The following CASTOR2 variants were observed in gnomAD, a reference collection of about 807,000 sequenced individuals.
CASTOR2 encodes cytosolic arginine sensor for mTORC1 subunit 2.
In CASTOR2, 8 loss-of-function variants were observed where a neutral mutation model predicts 31.2. The ratio of observed to expected loss-of-function variants is 0.26; its 90% CI spans 0.15 to 0.46. The LOEUF is 0.46. Ranked by LOEUF, CASTOR2 falls within the 20% of genes least tolerant of loss-of-function variation. The pLI is 0.99. For missense variants in CASTOR2, 216 were observed against 382.1 expected (o/e 0.57, Z 3.62); for synonymous variants, 162 against 158.7 (o/e 1.02, Z -0.16).
At chr7:74,988,729 C>A (rs587726832) in intron 1 of CASTOR2, among the ~76,000 whole-genome samples, 1 of 152,104 alleles carries the variant, frequency 6.6e-6, no homozygotes, top group Non-Finnish European at 1.5e-5. Flanking sequence ...CCCCCCACAG[C>A]GACCATGACA....
At chr7:75,019,263 G>A (rs1236843064) in intron 5 of CASTOR2, among the ~76,000 whole-genome samples, 168 bp downstream of exon 5, 8 of 152,136 alleles carry the variant, frequency 5.3e-5, no homozygotes, top group African/African-American at 1.9e-4. Context: ...ACCCACCCTG[G>A]AACTAGTCTG....
chr7:75,012,635 TTTTG>T (rs1554439583), intron 2 of CASTOR2, among the ~76,000 whole-genome samples: 3 of 147,398 alleles, frequency 2.0e-5, no homozygotes, highest in Non-Finnish European at 4.5e-5. Context: ...ATTTTTTGTT[TTTTG>T]TTTTTTTGTT....
chr7:75,015,049 G>A (rs1327248707), intron 2 of CASTOR2, among the ~76,000 whole-genome samples: 3 of 152,204 alleles, frequency 2.0e-5, no homozygotes, highest in African/African-American at 7.2e-5. Context: ...CCACCCACTG[G>A]CTGACCACTG....
At position 75,026,423 on chromosome 7, in the gene CASTOR2, T is replaced by C. The variant is rs1805134687; in HGVS notation, c.*1724T>C. On this transcript the variant is annotated 3_prime_UTR_variant, in exon 9 of 9. Transcript: ENST00000616305. ...TCAGGCTGGTCTTGAACTCCTGAGT[T>C]AAGTGATCCGCCTGCCTCGGCCTCC... Among the ~76,000 whole-genome samples, 1 of 151,718 alleles carries C rather than the reference T, an allele frequency of 6.6e-6. No homozygotes were observed. Among genetic ancestry groups the C allele is most frequent in the Non-Finnish European group, 1.5e-5 (1 of 67,938 alleles).
chr7:75,020,347 A>G (rs1804965420), intron 6 of CASTOR2, among the ~76,000 whole-genome samples, 198 bp downstream of exon 6: 1 of 151,452 alleles, frequency 6.6e-6, no homozygotes, highest in Admixed American at 6.6e-5. Context: ...GGTTCAAGCA[A>G]TTCTCCTGCC....
intron 2 of CASTOR2, among the ~76,000 whole-genome samples, chr7:75,010,906 G>T (rs1375903292): frequency 6.6e-6 from 1 of 151,764 alleles, no homozygotes; most frequent in Non-Finnish European, 1.5e-5. Flanking sequence ...AGGCTGGAGT[G>T]CAGTGGCGTG....
chr7:75,007,963 T>TG, intron 1 of CASTOR2, 31 bp from the exon 2 acceptor site: 1 of 1,565,726 alleles, frequency 6.4e-7, no homozygotes, highest in Non-Finnish European at 8.8e-7. Context: ...CCTGGACTAA[T>TG]GAGATATTCT....
At chr7:75,007,609 G>C (rs1299859577) in intron 1 of CASTOR2, among the ~76,000 whole-genome samples, 2 of 152,136 alleles carry the variant, frequency 1.3e-5, no homozygotes, top group Non-Finnish European at 2.9e-5. Flanking sequence ...CAGACACCTA[G>C]AGGTTACAGT....
chr7:75,018,734 C>T (rs1372086769), intron 4 of CASTOR2, among the ~76,000 whole-genome samples: 3 of 152,218 alleles, frequency 2.0e-5, no homozygotes, highest in East Asian at 3.8e-4. Context: ...CAGGTGGTGC[C>T]GGTTGGGAAG....
At chr7:74,994,170 G>A (rs1282334901) in intron 1 of CASTOR2, among the ~76,000 whole-genome samples, 5 of 152,250 alleles carry the variant, frequency 3.3e-5, no homozygotes, top group African/African-American at 1.2e-4. Flanking sequence ...TCAGCTTCTC[G>A]GCCCAGATCA....
At chr7:74,983,235 C>G (rs1382843285) in intron 1 of CASTOR2, among the ~76,000 whole-genome samples, 2 of 143,234 alleles carry the variant, frequency 1.4e-5, no homozygotes, top group African/African-American at 5.2e-5. Context: ...TGGTCTCAAA[C>G]TCCTGACCTT....
At chr7:75,022,934 C>T (rs914318184) in intron 7 of CASTOR2, among the ~76,000 whole-genome samples, 53 of 152,182 alleles carry the variant, frequency 3.5e-4, no homozygotes, top group African/African-American at 5.1e-4. Flanking sequence ...GTTTTCTTCA[C>T]GTAAATACAT....
intron 1 of CASTOR2, among the ~76,000 whole-genome samples, chr7:75,001,898 T>C (rs1428557537): frequency 6.6e-6 from 1 of 152,140 alleles, no homozygotes; most frequent in Non-Finnish European, 1.5e-5. Context: ...ATACTTCACA[T>C]AGGACTGTGA....
chr7:75,012,461 C>A (rs1167680947), intron 2 of CASTOR2, among the ~76,000 whole-genome samples: 5 of 150,906 alleles, frequency 3.3e-5, no homozygotes, highest in Admixed American at 2.0e-4. Flanking sequence ...CACCACCACA[C>A]CCGGCTAATT....
intron 7 of CASTOR2, among the ~76,000 whole-genome samples, chr7:75,022,724 A>G (rs1294428395): frequency 6.6e-6 from 1 of 152,164 alleles, no homozygotes; most frequent in Admixed American, 6.5e-5. Context: ...GCTTGAACCC[A>G]GGAAGCAGAG....
At position 75,028,079 on chromosome 7, in the gene CASTOR2, C is replaced by T. The variant is rs1336532337; in HGVS notation, c.*3380C>T. 2.0e-6 allele frequency: 3 copies of T among 1,530,840 alleles called. No individual in the cohort carries two copies. The African/African-American group carries it at 4.1e-5, about 21-fold the overall frequency. 94.8% of individuals were successfully genotyped at this position (1,530,840 alleles called of 1,614,324 possible). On this transcript the variant is annotated 3_prime_UTR_variant, in exon 9 of 9. Coordinates refer to ENST00000616305, the MANE Select transcript of CASTOR2 (RefSeq NM_001145064.3). Reference sequence around the variant, plus strand: ...TTGGCGCTGGCGGATGGGGCAGGTGCCTGGCGGGGGAGGAAGAGGGCTCTC... The same window carrying T: ...TTGGCGCTGGCGGATGGGGCAGGTGTCTGGCGGGGGAGGAAGAGGGCTCTC...
intron 2 of CASTOR2, among the ~76,000 whole-genome samples, chr7:75,011,640 G>A (rs1584473875): frequency 6.9e-6 from 1 of 145,310 alleles, no homozygotes; most frequent in East Asian, 2.1e-4. Context: ...GGAGGCTGAG[G>A]CAGGAGAATG....
chr7:74,976,342 AG>A (rs1432760340), intron 1 of CASTOR2, among the ~76,000 whole-genome samples: 1 of 119,850 alleles, frequency 8.3e-6, no homozygotes, highest in Non-Finnish European at 1.7e-5. Flanking sequence ...AGACCAGCGG[AG>A]GCAACATGGT....
chr7:75,012,021 C>T (rs1414537027), intron 2 of CASTOR2, among the ~76,000 whole-genome samples: 4 of 151,658 alleles, frequency 2.6e-5, no homozygotes, highest in African/African-American at 9.7e-5. Context: ...AGCGAGAAAG[C>T]AAGCAGACAT....
Sources: gnomAD v4.1 joint callset for allele counts (sites outside exome capture counted in the v4.1 genomes callset) on GRCh38, gnomAD v4.1.1 for gene constraint, MANE v1.5 for transcripts, NCBI Gene and HGNC (gene_info 2026-07-23, HGNC 2026-07-21) for gene names.